The following RAB11B variants were observed in gnomAD, a reference collection of about 807,000 sequenced individuals.
RAB11B encodes ras-related protein Rab-11B.
Under a neutral mutation model 23.7 loss-of-function variants are expected in RAB11B, and 7 were observed. The ratio of observed to expected loss-of-function variants is 0.29; its 90% CI spans 0.17 to 0.55. The LOEUF (loss-of-function observed/expected upper bound fraction) is 0.55, where lower values mean the gene tolerates loss of function less well. RAB11B is among the 20% of genes least tolerant of loss of function. The probability of loss-of-function intolerance (pLI) is 0.93; values close to 1 mark genes in which losing one functional copy is unlikely to be tolerated. For missense variants in RAB11B, 189 were observed against 320.0 expected (o/e 0.59, Z 3.12); for synonymous variants, 138 against 132.0 (o/e 1.05, Z -0.31).
At chr19:8,401,375 T>C (rs10410840) in intron 2 of RAB11B, among the ~76,000 whole-genome samples, 43,548 of 143,454 alleles carry the variant, frequency 0.3, 6,632 homozygotes, top group East Asian at 0.6. Flanking sequence ...CGACCCTGCC[T>C]GGCCTATTTA....
At chr19:8,390,977 G>A (rs1275018925) in intron 1 of RAB11B, among the ~76,000 whole-genome samples, 2 of 151,626 alleles carry the variant, frequency 1.3e-5, no homozygotes, top group Non-Finnish European at 2.9e-5. Context: ...GGCAATGGGG[G>A]CTGGGCCGAG....
At position 8,390,379 on chromosome 19, in the gene RAB11B, G is replaced by A; in HGVS notation, c.-38G>A. On this transcript the variant is annotated 5_prime_UTR_variant, in exon 1 of 5. Coordinates refer to ENST00000328024, the MANE Select transcript of RAB11B (RefSeq NM_004218.4). ...GCCCCCGTCGGGTGTTTGTGGTGGG[G>A]CTGCGGAGTCGCCGATCCCGCCGGA... 2.0e-6 allele frequency: 3 copies of A among 1,521,344 alleles called. No homozygotes were observed. The highest frequency in any genetic ancestry group is 2.6e-6 in the Non-Finnish European group (3 of 1,138,270). 94.2% of individuals were successfully genotyped at this position (1,521,344 alleles called of 1,614,324 possible). A position where few individuals can be genotyped will look rare whatever the true frequency, so the allele number is the denominator to read the frequency against.
At chr19:8,393,229 G>A (rs1003342906) in intron 1 of RAB11B, among the ~76,000 whole-genome samples, 5 of 152,082 alleles carry the variant, frequency 3.3e-5, no homozygotes, top group African/African-American at 7.2e-5. Flanking sequence ...ACTAATTGCC[G>A]TGGGACCCCA....
chr19:8,395,209 A>G (rs1412739559), intron 1 of RAB11B, among the ~76,000 whole-genome samples: 4 of 148,894 alleles, frequency 2.7e-5, no homozygotes, highest in South Asian at 2.1e-4. Flanking sequence ...TCTCATCCCT[A>G]CTGGCTTGGT....
At chr19:8,395,996 C>T (rs992584947) in intron 1 of RAB11B, among the ~76,000 whole-genome samples, 1 of 152,222 alleles carries the variant, frequency 6.6e-6, no homozygotes, top group African/African-American at 2.4e-5. Flanking sequence ...GGCGAGCCCA[C>T]AAACATGCAT....
intron 1 of RAB11B, 26 bp downstream of exon 1, chr19:8,390,482 C>T (rs1971338760): frequency 2.0e-6 from 3 of 1,483,990 alleles, no homozygotes; most frequent in Non-Finnish European, 2.7e-6. Context: ...CACAGACGGG[C>T]GAAGTCGTGG....
intron 1 of RAB11B, among the ~76,000 whole-genome samples, chr19:8,399,377 C>T (rs1275322900): frequency 1.3e-5 from 2 of 152,228 alleles, no homozygotes; most frequent in East Asian, 3.8e-4. Flanking sequence ...CGGGAGCCAC[C>T]GTGCCTGGCC....
intron 1 of RAB11B, among the ~76,000 whole-genome samples, chr19:8,395,271 C>CTTTTT (rs201774881): frequency 1.1e-5 from 1 of 94,076 alleles, no homozygotes; most frequent in African/African-American, 4.3e-5. Flanking sequence ...TTCCATCTTT[C>CTTTTT]TTTTTTTTTT....
intron 1 of RAB11B, 70 bp from the exon 2 acceptor site, chr19:8,399,793 C>T (rs1043145889): frequency 1.9e-5 from 29 of 1,549,220 alleles, no homozygotes; most frequent in Admixed American, 5.3e-5. Context: ...CCCAGGGAAC[C>T]GGCGGGAAGG....
intron 3 of RAB11B, 64 bp from the exon 4 acceptor site, chr19:8,402,421 T>A: frequency 6.4e-7 from 1 of 1,573,618 alleles, no homozygotes; most frequent in Non-Finnish European, 8.7e-7. Context: ...GCGGGGTCCC[T>A]GAGAGCATGT....
intron 1 of RAB11B, among the ~76,000 whole-genome samples, chr19:8,391,442 A>G (rs1971352393): frequency 1.3e-5 from 2 of 152,184 alleles, no homozygotes; most frequent in African/African-American, 4.8e-5. Context: ...CGAGGGACTG[A>G]GGGGGCTCTA....
chr19:8,390,960 C>A (rs1434175281), intron 1 of RAB11B, among the ~76,000 whole-genome samples: 2 of 44,190 alleles, frequency 4.5e-5, no homozygotes, highest in Non-Finnish European at 9.1e-5. Context: ...CCGGGAGAGG[C>A]GGGGCAGGCA....
At chr19:8,395,417 T>G (rs1971389457) in intron 1 of RAB11B, among the ~76,000 whole-genome samples, 2 of 151,872 alleles carry the variant, frequency 1.3e-5, no homozygotes, top group Admixed American at 1.3e-4. Context: ...CCCGGCTAAT[T>G]TTTGTATTTT....
intron 1 of RAB11B, chr19:8,390,762 G>A (rs952246491): frequency 4.7e-5 from 15 of 322,268 alleles, no homozygotes; most frequent in Non-Finnish European, 8.5e-5. Flanking sequence ...CTCCGCAGGG[G>A]GTGGAGCTTT....
rs553053244 is a variant in RAB11B, at chr19:8,401,237, C to T, written c.237-849C>T. Among the ~76,000 whole-genome samples the T allele has an allele frequency of 3.9e-5, 6 of 151,970 alleles. No individual in the cohort carries two copies. The South Asian group carries it at 1.0e-3, about 26-fold the overall frequency. Reference sequence around the variant, plus strand: ...CTGGGACTACAGGCGCCCACCACCACGCCTGGCTAATTTTTTGTATTTTTA... The same window carrying T: ...CTGGGACTACAGGCGCCCACCACCATGCCTGGCTAATTTTTTGTATTTTTA... On this transcript the variant is annotated intron_variant, in intron 2 of 4. Coordinates refer to ENST00000328024, the MANE Select transcript of RAB11B (RefSeq NM_004218.4).
chr19:8,404,344 C>G lies in RAB11B; in HGVS notation c.*786C>G, dbSNP rs545854786. On this transcript the variant is annotated 3_prime_UTR_variant, in exon 5 of 5. Coordinates refer to ENST00000328024, the MANE Select transcript of RAB11B (RefSeq NM_004218.4). ...TTTACGCCAAACCCCAGCTCTCGAT[C>G]TCTTCTTCTCCCTGTGGCCCCTGCG... The G allele has an allele frequency of 6.6e-6, 1 of 152,288 alleles. No homozygotes were observed. The highest frequency in any genetic ancestry group is 1.5e-5 in the Non-Finnish European group (1 of 68,112). 9.4% of individuals were successfully genotyped at this position (152,288 alleles called of 1,614,324 possible).
chr19:8,398,884 C>T (rs1328557524), intron 1 of RAB11B, among the ~76,000 whole-genome samples: 1 of 152,068 alleles, frequency 6.6e-6, no homozygotes, highest in Non-Finnish European at 1.5e-5. Flanking sequence ...TGGGCTCAAG[C>T]GATTCTCCTG....
intron 1 of RAB11B, among the ~76,000 whole-genome samples, chr19:8,398,694 T>TA (rs1301143753): frequency 6.6e-6 from 1 of 152,138 alleles, no homozygotes; most frequent in Non-Finnish European, 1.5e-5. Flanking sequence ...TCCTGTCACT[T>TA]ACATACCTGG....
At position 8,396,582 on chromosome 19, in the gene RAB11B, C is replaced by T. The variant is rs1971397892; in HGVS notation, c.41-3281C>T. On this transcript the variant is annotated intron_variant, in intron 1 of 4. Coordinates refer to ENST00000328024, the MANE Select transcript of RAB11B (RefSeq NM_004218.4). The surrounding 1 kb of genome is among the most constrained non-coding windows in gnomAD (Gnocchi z 5.0). The stretch of plus-strand genomic sequence containing the variant: ...ACACGAAGGGGATGAGGGAGGGAGC[C>T]AGGTGTGTGCCTGGAGAAGAGCGTT... Among the ~76,000 whole-genome samples, 1 of 151,868 alleles carries T rather than the reference C, an allele frequency of 6.6e-6. No individual in the cohort carries two copies. The highest frequency in any genetic ancestry group is 6.6e-5 in the Admixed American group (1 of 15,224).
Sources: gnomAD v4.1 joint callset for allele counts (sites outside exome capture counted in the v4.1 genomes callset) on GRCh38, gnomAD v4.1.1 for gene constraint, Gnocchi (gnomAD v3.1) non-coding constraint, MANE v1.5 for transcripts, NCBI Gene and HGNC (gene_info 2026-07-23, HGNC 2026-07-21) for gene names.